ARHGAP21: variants seen among roughly 807,000 people sequenced by gnomAD.
ARHGAP21 encodes the protein Rho GTPase activating protein 21.
A neutral mutation model predicts 164.6 loss-of-function variants in ARHGAP21; 38 were observed. That is an observed-to-expected ratio of 0.23 (90% CI 0.18 to 0.30). The LOEUF is 0.30. Ranked by LOEUF, ARHGAP21 falls within the 10% of genes least tolerant of loss-of-function variation. The pLI, the probability that ARHGAP21 is intolerant of heterozygous loss-of-function variation, is 1.00. For missense variants in ARHGAP21, 1,822 were observed against 2,370.7 expected (o/e 0.77, Z 4.81); for synonymous variants, 766 against 857.9 (o/e 0.89, Z 1.87).
chr10:24,600,703 T>G lies in ARHGAP21; in HGVS notation c.3075A>C (p.Arg1025Ser). Residue 1025 changes from arginine to serine, a missense_variant, in exon 14 of 26, where the codon AGA (arginine) becomes AGC (serine). Arg to Ser is a moderately radical substitution (Grantham distance 110). Transcript: ENST00000396432. ...TCTTGATCCAAGCTAGCATATCATC[T>G]CTGTCTTCAGCCTGAAACAGGCATT... is the stretch of plus-strand genomic sequence containing the variant. The part of the protein sequence containing the change: ...DCECLFQAED[R>S]DDMLAWIKTI... The G allele has an allele frequency of 6.2e-7, 1 of 1,613,988 alleles. No homozygotes were observed. The highest frequency in any genetic ancestry group is 1.3e-5 in the African/African-American group (1 of 75,038).
At chr10:24,600,278 T>C (rs2076761176) in intron 14 of ARHGAP21, among the ~76,000 whole-genome samples, 2 of 152,198 alleles carry the variant, frequency 1.3e-5, no homozygotes, top group Admixed American at 6.5e-5. Flanking sequence ...TGCATTTATA[T>C]AGTTATTTAT....
At chr10:24,699,062 A>G (rs1473689726) in intron 2 of ARHGAP21, among the ~76,000 whole-genome samples, 1 of 152,162 alleles carries the variant, frequency 6.6e-6, no homozygotes, top group Non-Finnish European at 1.5e-5. Flanking sequence ...CTGCCCTTCG[A>G]AAGTGTTTTC....
chr10:24,620,309 C>T lies in ARHGAP21; in HGVS notation c.1586G>A (p.Ser529Asn). Reference protein sequence around the residue: ...NGEKKQTYKWSGFTEQDDRRG... With the variant: ...NGEKKQTYKWNGFTEQDDRRG... ...TCTATCATCCTGTTCAGTAAACCCA[C>T]TCCACTTGTAAGTCTGTTTTTTCTC... The change falls in exon 9 of 26, where the codon AGT becomes AAT. Residue 529 changes from serine to asparagine, a missense_variant. Coordinates refer to ENST00000396432, the MANE Select transcript of ARHGAP21 (RefSeq NM_020824.4). The T allele has an allele frequency of 1.2e-6, 2 of 1,613,982 alleles. No individual in the cohort carries two copies.
intron 4 of ARHGAP21, among the ~76,000 whole-genome samples, chr10:24,635,711 AATTTTTGTAT>A (rs1836316662): frequency 2.0e-5 from 3 of 151,944 alleles, no homozygotes; most frequent in Admixed American, 2.0e-4. Flanking sequence ...CCCGCCTGCT[AATTTTTGTAT>A]GTTTTAGTAG....
chr10:24,661,507 A>G (rs1839693101), intron 4 of ARHGAP21, among the ~76,000 whole-genome samples: 2 of 152,228 alleles, frequency 1.3e-5, no homozygotes, highest in Admixed American at 1.3e-4. Flanking sequence ...AAAGAAGACC[A>G]AAACAAAATC....
At chr10:24,686,129 C>T (rs922567375) in intron 2 of ARHGAP21, among the ~76,000 whole-genome samples, 3 of 152,072 alleles carry the variant, frequency 2.0e-5, no homozygotes, top group African/African-American at 4.8e-5. Flanking sequence ...GTATAAATAA[C>T]TCAAATTGGA....
intron 2 of ARHGAP21, among the ~76,000 whole-genome samples, chr10:24,716,287 A>C (rs1323357163): frequency 6.6e-6 from 1 of 152,216 alleles, no homozygotes; most frequent in African/African-American, 2.4e-5. Flanking sequence ...TAGGGAGATA[A>C]AGCAAGGAAG....
intron 9 of ARHGAP21, among the ~76,000 whole-genome samples, chr10:24,610,373 A>C (rs1035115325): frequency 1.3e-4 from 7 of 55,190 alleles, no homozygotes; most frequent in Admixed American, 5.5e-4. Flanking sequence ...ACTCTGTCAC[A>C]AAAAAAAAAA....
chr10:24,700,750 G>C (rs1482969847), intron 2 of ARHGAP21, among the ~76,000 whole-genome samples: 1 of 152,160 alleles, frequency 6.6e-6, no homozygotes, highest in South Asian at 2.1e-4. Context: ...ACAATGTAAA[G>C]TAATATTTAA....
At chr10:24,718,732 A>G (rs1437351265) in intron 2 of ARHGAP21, among the ~76,000 whole-genome samples, 1 of 152,236 alleles carries the variant, frequency 6.6e-6, no homozygotes, top group Non-Finnish European at 1.5e-5. Context: ...GTATTTCATC[A>G]GCCATAATAC....
rs1476139663 is a variant in ARHGAP21, at chr10:24,592,151, GC to G, written c.3877-140del. 2.6e-5 allele frequency: 13 copies of G among 491,892 alleles called. 1 individual carries two copies. In the South Asian group the frequency reaches 5.8e-4, roughly 22 times the overall value. The allele number at this position is 491,892 out of a possible 1,614,324, so 30.5% of individuals were successfully genotyped here. ...TAGATTAAAAAAATAATGCTTTCTA[GC>G]AAGATTTTTTTTTTTTTTTTTTTTT... is the stretch of plus-strand genomic sequence containing the variant. On this transcript the variant is annotated intron_variant, in intron 21 of 25. Transcript: ENST00000396432.
intron 11 of ARHGAP21, among the ~76,000 whole-genome samples, chr10:24,606,128 A>G (rs2077015415): frequency 1.3e-5 from 2 of 152,204 alleles, no homozygotes; most frequent in African/African-American, 4.8e-5. Flanking sequence ...AAAAGTAAAC[A>G]TAAATTTTGT....
intron 4 of ARHGAP21, among the ~76,000 whole-genome samples, chr10:24,662,987 A>C (rs1247768165): frequency 6.6e-6 from 1 of 151,826 alleles, no homozygotes. Context: ...TTCAGTAAAA[A>C]TATGGTATTC....
intron 2 of ARHGAP21, among the ~76,000 whole-genome samples, chr10:24,712,471 T>G (rs988761102): frequency 2.0e-5 from 3 of 152,198 alleles, no homozygotes; most frequent in African/African-American, 7.2e-5. Context: ...TATTTGCATA[T>G]AACCTAACAC....
chr10:24,624,174 A>G (rs776662981), intron 7 of ARHGAP21, among the ~76,000 whole-genome samples: 4 of 152,156 alleles, frequency 2.6e-5, no homozygotes, highest in Non-Finnish European at 5.9e-5. Flanking sequence ...ATCTAATGTA[A>G]GCAGATATGG....
chr10:24,658,954 A>G (rs375419743), intron 4 of ARHGAP21, among the ~76,000 whole-genome samples: 1 of 152,238 alleles, frequency 6.6e-6, no homozygotes, highest in African/African-American at 2.4e-5. Context: ...GTCATTAGGC[A>G]TTAAGGAAAT....
intron 4 of ARHGAP21, among the ~76,000 whole-genome samples, chr10:24,661,738 T>C (rs73606539): frequency 7.7e-4 from 117 of 152,338 alleles, no homozygotes; most frequent in African/African-American, 2.8e-3. Context: ...GACAGTAAGA[T>C]AAAAATCATA....
chr10:24,669,509 G>A (rs1487022411), intron 3 of ARHGAP21, among the ~76,000 whole-genome samples: 1 of 152,060 alleles, frequency 6.6e-6, no homozygotes, highest in African/African-American at 2.4e-5. Context: ...ATGTATATTG[G>A]TCAAATTCAA....
intron 24 of ARHGAP21, chr10:24,590,094 T>A: frequency 2.0e-6 from 2 of 999,730 alleles, no homozygotes; most frequent in Non-Finnish European, 2.6e-6. Flanking sequence ...TGAAGTTTCA[T>A]CTTTCAACAT....
Sources: gnomAD v4.1 joint callset for allele counts (sites outside exome capture counted in the v4.1 genomes callset) on GRCh38, gnomAD v4.1.1 for gene constraint, MANE v1.5 for transcripts, NCBI Gene and HGNC (gene_info 2026-07-23, HGNC 2026-07-21) for gene names.